The following FSTL4 variants were observed in gnomAD, a reference collection of about 807,000 sequenced individuals.
The protein encoded by FSTL4 is follistatin like 4.
A neutral mutation model predicts 78.2 loss-of-function variants in FSTL4; 28 were observed. That is an observed-to-expected ratio of 0.36 (90% CI 0.27 to 0.49). The LOEUF (loss-of-function observed/expected upper bound fraction) is 0.49. Among genes scored for constraint, FSTL4 ranks in the 20% least tolerant of loss-of-function variants. FSTL4 has a pLI of 0.98. For missense variants in FSTL4, 922 were observed against 1,084.9 expected (o/e 0.85, Z 2.11); for synonymous variants, 422 against 440.5 (o/e 0.96, Z 0.53).
chr5:133,542,752 T>G (rs1759502263), intron 3 of FSTL4, among the ~76,000 whole-genome samples: 1 of 152,176 alleles, frequency 6.6e-6, no homozygotes, highest in African/African-American at 2.4e-5. Context: ...CTATTATTGT[T>G]TTGATTTCTG....
At chr5:133,621,407 C>CACAAAAA in the FSTL4 span, among the ~76,000 whole-genome samples, 9,592 of 151,974 alleles carry the variant, frequency 0.063, 327 homozygotes, top group Non-Finnish European at 0.072. Flanking sequence ...CTCAAAAAAA[C>CACAAAAA]ACAAAAAACA....
the FSTL4 span, among the ~76,000 whole-genome samples, chr5:133,796,178 C>A: frequency 1.3e-5 from 2 of 152,206 alleles, no homozygotes; most frequent in Non-Finnish European, 2.9e-5. Flanking sequence ...TGAACCCCCA[C>A]GCAGGACATG....
chr5:133,397,449 G>C (rs542069240), intron 4 of FSTL4, among the ~76,000 whole-genome samples: 1 of 152,296 alleles, frequency 6.6e-6, no homozygotes, highest in African/African-American at 2.4e-5. Context: ...TTTGAGTCTG[G>C]TTGATTTCCC....
chr5:133,652,768 C>A, the FSTL4 span, among the ~76,000 whole-genome samples: 2 of 152,126 alleles, frequency 1.3e-5, no homozygotes, highest in African/African-American at 4.8e-5. Context: ...ACAAGGACCA[C>A]ACTTATTCTG....
chr5:133,318,959 G>A (rs1272986698), intron 4 of FSTL4, among the ~76,000 whole-genome samples: 2 of 152,228 alleles, frequency 1.3e-5, no homozygotes, highest in African/African-American at 4.8e-5. Flanking sequence ...GTCACCAGCT[G>A]GCAAACCCAT....
chr5:133,814,464 C>T, the FSTL4 span, among the ~76,000 whole-genome samples: 2 of 152,122 alleles, frequency 1.3e-5, no homozygotes, highest in Non-Finnish European at 2.9e-5. Context: ...CAGAGAGTGA[C>T]ACCACCCAGC....
chr5:133,761,747 T>C, the FSTL4 span, among the ~76,000 whole-genome samples: 1 of 152,196 alleles, frequency 6.6e-6, no homozygotes, highest in African/African-American at 2.4e-5. Flanking sequence ...TTGACAGCTA[T>C]TTACTGATTG....
chr5:133,806,600 A>G, the FSTL4 span, among the ~76,000 whole-genome samples: 11 of 152,090 alleles, frequency 7.2e-5, no homozygotes, highest in Non-Finnish European at 1.2e-4. Context: ...ATGCAGCCCA[A>G]ACTGGGTTGC....
the FSTL4 span, among the ~76,000 whole-genome samples, chr5:133,719,239 TCA>T: frequency 6.6e-6 from 1 of 152,220 alleles, no homozygotes; most frequent in Admixed American, 6.5e-5. Flanking sequence ...GTAAAAAGTT[TCA>T]GTGATTCTGT....
At chr5:133,479,019 T>A (rs146545957) in intron 3 of FSTL4, among the ~76,000 whole-genome samples, 1 of 152,294 alleles carries the variant, frequency 6.6e-6, no homozygotes, top group African/African-American at 2.4e-5. Flanking sequence ...TTAAGTAAAA[T>A]AGAAATGTCT....
the FSTL4 span, among the ~76,000 whole-genome samples, chr5:133,637,943 AAAT>A: frequency 8.8e-5 from 11 of 124,822 alleles, no homozygotes; most frequent in African/African-American, 2.5e-4. Flanking sequence ...TCCGTCTCAA[AAAT>A]AATAATAATT....
intron 2 of FSTL4, among the ~76,000 whole-genome samples, chr5:133,580,190 C>T (rs1760370501): frequency 1.3e-5 from 2 of 152,130 alleles, no homozygotes; most frequent in Admixed American, 1.3e-4. Context: ...TCTCCTCTGG[C>T]CCCTCTTCAC....
the FSTL4 span, among the ~76,000 whole-genome samples, chr5:133,752,769 G>A: frequency 6.6e-6 from 1 of 152,092 alleles, no homozygotes; most frequent in Non-Finnish European, 1.5e-5. Flanking sequence ...TAGGGGGCAG[G>A]GGGGTCAAGG....
chr5:133,354,025 C>G (rs1241428988), intron 4 of FSTL4, among the ~76,000 whole-genome samples: 1 of 152,206 alleles, frequency 6.6e-6, no homozygotes, highest in East Asian at 1.9e-4. Flanking sequence ...CTGCACTGGC[C>G]GCAGGGTCAG....
intron 11 of FSTL4, among the ~76,000 whole-genome samples, chr5:133,223,854 C>T (rs1581542561): frequency 2.0e-5 from 3 of 152,114 alleles, no homozygotes; most frequent in Admixed American, 2.0e-4. Flanking sequence ...TTTAAAACCA[C>T]ACAAGATAGG....
At chr5:133,674,202 A>G in the FSTL4 span, among the ~76,000 whole-genome samples, 4 of 152,178 alleles carry the variant, frequency 2.6e-5, no homozygotes, top group African/African-American at 9.7e-5. Context: ...TTATCCTGCC[A>G]ACTTAAATCA....
the FSTL4 span, among the ~76,000 whole-genome samples, chr5:133,772,820 T>C: frequency 2.0e-5 from 3 of 152,098 alleles, no homozygotes; most frequent in African/African-American, 7.2e-5. Flanking sequence ...ACTGTTGCAT[T>C]GGGGATTAAT....
intron 6 of FSTL4, among the ~76,000 whole-genome samples, chr5:133,298,702 T>C (rs1341238874): frequency 6.6e-6 from 1 of 152,230 alleles, no homozygotes; most frequent in Admixed American, 6.5e-5. Flanking sequence ...ATGGTGCTGA[T>C]TCATGTGGCA....
At position 133,198,888 on chromosome 5, in the gene FSTL4, G is replaced by T. The variant is rs1035275108; in HGVS notation, c.*207C>A. 6 of 470,942 alleles carry T rather than the reference G, an allele frequency of 1.3e-5. No homozygotes were observed. Among genetic ancestry groups the T allele is most frequent in the Non-Finnish European group, 2.2e-5 (6 of 267,394 alleles). 29.2% of individuals were successfully genotyped at this position (470,942 alleles called of 1,614,324 possible). On this transcript the variant is annotated 3_prime_UTR_variant, in exon 16 of 16. Transcript: ENST00000265342. The stretch of plus-strand genomic sequence containing the variant: ...GCATATGTTCTCATCGTAGCTCAAG[G>T]CATAAATCATACTTCCTAACGAAAA...
Sources: gnomAD v4.1 joint callset for allele counts (sites outside exome capture counted in the v4.1 genomes callset) on GRCh38, gnomAD v4.1.1 for gene constraint, MANE v1.5 for transcripts, NCBI Gene and HGNC (gene_info 2026-07-23, HGNC 2026-07-21) for gene names.